Variants in SLC24A2 observed in about 807,000 individuals in gnomAD.
The protein encoded by SLC24A2 is sodium/potassium/calcium exchanger 2.
SLC24A2 carries 36 observed loss-of-function variants against 62.0 expected under a neutral mutation model. That is an observed-to-expected ratio of 0.58 (90% CI 0.44 to 0.77). SLC24A2 has a LOEUF of 0.77. Ranked by LOEUF, SLC24A2 falls within the 30% of genes least tolerant of loss-of-function variation. The pLI, the probability that SLC24A2 is intolerant of heterozygous loss-of-function variation, is 0.00. For missense variants in SLC24A2, 846 were observed against 817.9 expected, an observed-to-expected ratio of 1.03 and a Z score of -0.42; for synonymous variants, 358 against 294.0, an observed-to-expected ratio of 1.22 and a Z score of -2.23.
chr9:20,007,061 C>G, the SLC24A2 span, among the ~76,000 whole-genome samples: 1 of 152,152 alleles, frequency 6.6e-6, no homozygotes, highest in Non-Finnish European at 1.5e-5. Flanking sequence ...AAAATCCCAA[C>G]TCTTAATTAG....
the SLC24A2 span, among the ~76,000 whole-genome samples, chr9:20,267,998 C>G: frequency 1.7e-4 from 26 of 152,156 alleles, no homozygotes; most frequent in African/African-American, 4.8e-4. Context: ...CTTCCTCCAC[C>G]GTGATGTTTC....
At chr9:19,516,426 G>C (rs1832931120) in intron 10 of SLC24A2, 24 bp from the exon 11 acceptor site, 3 of 1,612,304 alleles carry the variant, frequency 1.9e-6, no homozygotes, top group Non-Finnish European at 2.5e-6. Context: ...AAGCAGGGCA[G>C]AGGGGAGTGG....
chr9:20,003,034 C>G, the SLC24A2 span, among the ~76,000 whole-genome samples: 2 of 152,106 alleles, frequency 1.3e-5, no homozygotes, highest in African/African-American at 2.4e-5. Flanking sequence ...TGTACTAGGC[C>G]CCATAAATGA....
At chr9:20,053,922 AATGTTTAGGTCC>A in the SLC24A2 span, among the ~76,000 whole-genome samples, 9,641 of 152,120 alleles carry the variant, frequency 0.063, 466 homozygotes, top group Non-Finnish European at 0.1. Context: ...CCATTGTATC[AATGTTTAGGTCC>A]ATCTGGCACT....
chr9:19,583,700 C>T (rs1166020179), intron 5 of SLC24A2, among the ~76,000 whole-genome samples: 2 of 152,116 alleles, frequency 1.3e-5, no homozygotes, highest in African/African-American at 4.8e-5. Context: ...CAGGAACTTT[C>T]TAGAGGTAAG....
At chr9:20,276,812 A>C in the SLC24A2 span, among the ~76,000 whole-genome samples, 40 of 152,322 alleles carry the variant, frequency 2.6e-4, no homozygotes, top group South Asian at 7.9e-3. Context: ...ACCATGTGTA[A>C]GCCACCAAAG....
At chr9:19,564,341 T>C (rs913434167) in intron 7 of SLC24A2, among the ~76,000 whole-genome samples, 1 of 152,174 alleles carries the variant, frequency 6.6e-6, no homozygotes, top group Non-Finnish European at 1.5e-5. Flanking sequence ...TGAGGCTTTA[T>C]AAAAGCAGAT....
chr9:19,711,773 G>A (rs1222335790), intron 2 of SLC24A2, among the ~76,000 whole-genome samples: 2 of 152,102 alleles, frequency 1.3e-5, no homozygotes, highest in African/African-American at 4.8e-5. Flanking sequence ...TCATACCTTA[G>A]AACAAAATCT....
At chr9:19,628,889 G>A (rs1434946689) in intron 2 of SLC24A2, among the ~76,000 whole-genome samples, 1 of 152,180 alleles carries the variant, frequency 6.6e-6, no homozygotes, top group African/African-American at 2.4e-5. Context: ...TACATTCAAA[G>A]CTGTCCTGGG....
chr9:19,709,822 G>A (rs1260660971), intron 2 of SLC24A2, among the ~76,000 whole-genome samples: 1 of 151,518 alleles, frequency 6.6e-6, no homozygotes, highest in Non-Finnish European at 1.5e-5. Context: ...AATGGGTGCA[G>A]CACAACAACA....
the SLC24A2 span, among the ~76,000 whole-genome samples, chr9:20,303,219 C>T: frequency 6.6e-6 from 1 of 152,080 alleles, no homozygotes; most frequent in Non-Finnish European, 1.5e-5. Context: ...TCTTACCATT[C>T]CATTTACATT....
At chr9:20,067,892 G>T in the SLC24A2 span, among the ~76,000 whole-genome samples, 7 of 151,966 alleles carry the variant, frequency 4.6e-5, no homozygotes, top group Non-Finnish European at 1.0e-4. Context: ...TTTCCTTTGG[G>T]TATATACCCA....
chr9:19,767,268 T>A (rs1192678963), intron 2 of SLC24A2, among the ~76,000 whole-genome samples: 1 of 152,164 alleles, frequency 6.6e-6, no homozygotes, highest in East Asian at 1.9e-4. Context: ...ACCACTTGGC[T>A]CCCTGGCTTC....
At chr9:19,584,620 G>C (rs932209309) in intron 5 of SLC24A2, among the ~76,000 whole-genome samples, 9 of 152,044 alleles carry the variant, frequency 5.9e-5, no homozygotes, top group African/African-American at 2.2e-4. Context: ...ATTCTTAAAA[G>C]CAAAAATTTT....
At chr9:19,946,879 T>TA in the SLC24A2 span, among the ~76,000 whole-genome samples, 1 of 152,220 alleles carries the variant, frequency 6.6e-6, no homozygotes, top group Non-Finnish European at 1.5e-5. Context: ...TCATTGTTGT[T>TA]ACTGCTATGT....
At chr9:20,302,431 A>T in the SLC24A2 span, among the ~76,000 whole-genome samples, 1 of 152,286 alleles carries the variant, frequency 6.6e-6, no homozygotes, top group South Asian at 2.1e-4. Context: ...TCATTCTAAT[A>T]GGTATGTAAT....
At chr9:19,843,910 T>C in the SLC24A2 span, among the ~76,000 whole-genome samples, 1 of 152,216 alleles carries the variant, frequency 6.6e-6, no homozygotes, top group African/African-American at 2.4e-5. Context: ...GACATTTTCT[T>C]TGTCCAGTCC....
the SLC24A2 span, among the ~76,000 whole-genome samples, chr9:20,061,763 G>A: frequency 1.1e-4 from 16 of 152,094 alleles, no homozygotes; most frequent in East Asian, 2.9e-3. Flanking sequence ...AGATTTGTAC[G>A]GCCTTTGGTT....
chr9:20,299,078 T>C, the SLC24A2 span, among the ~76,000 whole-genome samples: 1 of 152,154 alleles, frequency 6.6e-6, no homozygotes, highest in African/African-American at 2.4e-5. Flanking sequence ...ATTTGAGGTC[T>C]TGAGATAAAT....
Sources: gnomAD v4.1 joint callset for allele counts (sites outside exome capture counted in the v4.1 genomes callset) on GRCh38, gnomAD v4.1.1 for gene constraint, MANE v1.5 for transcripts, NCBI Gene and HGNC (gene_info 2026-07-23, HGNC 2026-07-21) for gene names.